The following THAP9 variants were observed in gnomAD, a reference collection of about 807,000 sequenced individuals.
The protein encoded by THAP9 is DNA transposase THAP9.
Under a neutral mutation model 35.7 loss-of-function variants are expected in THAP9, and 20 were observed. That is an observed-to-expected ratio of 0.56 (90% CI 0.39 to 0.81). The LOEUF (loss-of-function observed/expected upper bound fraction) is 0.81. Among genes scored for constraint, THAP9 ranks in the 40% least tolerant of loss-of-function variants. The pLI, the probability that THAP9 is intolerant of heterozygous loss-of-function variation, is 0.00. For synonymous variants in THAP9, 335 were observed against 373.7 expected, an observed-to-expected ratio of 0.90 and a Z score of 1.19; for missense variants, 870 against 1,047.4, an observed-to-expected ratio of 0.83 and a Z score of 2.34.
Position 82,905,392 on chromosome 4 carries a change from G to A in THAP9, c.276+461G>A, listed in dbSNP as rs1474799135. The stretch of plus-strand genomic sequence containing the variant: ...ATGAGTGAGTCACCAGTATTGGTAT[G>A]ATATTCTTCTGTTTCCTATGACTGT... On this transcript the variant is annotated intron_variant, in intron 2 of 4. Coordinates refer to ENST00000302236, the MANE Select transcript of THAP9 (RefSeq NM_024672.6). 2.0e-5 allele frequency among the ~76,000 whole-genome samples: 3 copies of A among 152,308 alleles called. No individual in the cohort carries two copies. The East Asian group carries it at 5.8e-4, about 29-fold the overall frequency.
At position 82,907,772 on chromosome 4, in the gene THAP9, T is replaced by C; in HGVS notation, c.581-13T>C. On this transcript the variant is annotated splice_polypyrimidine_tract_variant and intron_variant, in intron 3 of 4. Transcript: ENST00000302236. ...CTATTCATCACAAAGAATAAAAAAA[T>C]TTATTTTAACAGATTTTAAGTGGGA... 1 of 1,564,250 alleles carries C rather than the reference T, an allele frequency of 6.4e-7. No individual in the cohort carries two copies. Among genetic ancestry groups the C allele is most frequent in the South Asian group, 1.2e-5 (1 of 81,296 alleles).
intron 4 of THAP9, among the ~76,000 whole-genome samples, chr4:82,911,166 A>G (rs1366734696): frequency 6.6e-6 from 1 of 152,254 alleles, no homozygotes; most frequent in Non-Finnish European, 1.5e-5. Context: ...GACATCCAAC[A>G]CTACTGTGGA....
intron 4 of THAP9, among the ~76,000 whole-genome samples, 159 bp from the exon 5 acceptor site, chr4:82,916,785 C>T (rs1012266284): frequency 6.6e-6 from 1 of 152,146 alleles, no homozygotes; most frequent in Non-Finnish European, 1.5e-5. Context: ...TTTATTGTAA[C>T]GATGAATTTA....
In THAP9 at chr4:82,917,704, C is replaced by G. The variant is rs1265418435; in HGVS notation, c.1492C>G (p.Leu498Val). Reference protein sequence around the residue: ...SALEYLLSLDLPPFQNCIGTI... With the variant: ...SALEYLLSLDVPPFQNCIGTI... ...ATTAGAATATTTGTTATCCTTAGACCTGCCACCTTTTCAAAACTGTATTGG... is the reference window on the plus strand; with the variant it reads ...ATTAGAATATTTGTTATCCTTAGACGTGCCACCTTTTCAAAACTGTATTGG... The change falls in exon 5 of 5, where the codon CTG (leucine) becomes GTG (valine). Residue 498 changes from leucine to valine, a missense_variant. Leu to Val is a conservative substitution (Grantham distance 32, BLOSUM62 1). This residue lies in a region of THAP9 where 414 missense variants were observed against 500.8 expected (regional missense o/e 0.83). Coordinates refer to ENST00000302236, the MANE Select transcript of THAP9 (RefSeq NM_024672.6). 3.7e-6 allele frequency: 6 copies of G among 1,613,034 alleles called. No homozygotes were observed. In the African/African-American group the frequency reaches 5.3e-5, roughly 14 times the overall value.
At chr4:82,902,196 T>A (rs1328935106) in intron 1 of THAP9, among the ~76,000 whole-genome samples, 2 of 141,312 alleles carry the variant, frequency 1.4e-5, no homozygotes, top group South Asian at 4.8e-4. Context: ...GCAGCCTCTA[T>A]CTCCCAGGCT....
Position 82,917,442 on chromosome 4 carries a change from A to G in THAP9, c.1230A>G (p.Ala410=), listed in dbSNP as rs765465472. 8.1e-6 allele frequency: 13 copies of G among 1,614,120 alleles called. No individual in the cohort carries two copies. The highest frequency in any genetic ancestry group is 2.2e-5 in the East Asian group (1 of 44,886). The change falls in exon 5 of 5, where the codon GCA becomes GCG. Residue 410 remains alanine, a synonymous_variant. Coordinates refer to ENST00000302236, the MANE Select transcript of THAP9 (RefSeq NM_024672.6). ...CTTCATCTTCTAGTCAACAGATTGC[A>G]TACTTCTTTGACTCTTGCCACTTGC... is the stretch of plus-strand genomic sequence containing the variant. ...QHPSSSSQQI[A]YFFDSCHLLR... is the part of the protein sequence containing the mutation.
intron 1 of THAP9, among the ~76,000 whole-genome samples, chr4:82,904,133 C>T (rs916083658): frequency 4.9e-5 from 7 of 143,126 alleles, no homozygotes; most frequent in Admixed American, 1.5e-4. Context: ...GGTGCGATCT[C>T]GGCTCACTGC....
At chr4:82,916,122 T>C (rs1469284145) in intron 4 of THAP9, among the ~76,000 whole-genome samples, 3 of 152,180 alleles carry the variant, frequency 2.0e-5, no homozygotes, top group Non-Finnish European at 4.4e-5. Context: ...TAACAGACAT[T>C]TGAGTTACAA....
chr4:82,906,657 A>T (rs1391825965), intron 3 of THAP9, 30 bp downstream of exon 3: 2 of 1,520,318 alleles, frequency 1.3e-6, no homozygotes, highest in Non-Finnish European at 1.8e-6. Flanking sequence ...TGTAGTATTT[A>T]CAAAAATAGC....
In THAP9 at chr4:82,907,906, T is replaced by G. The variant is rs373288998; in HGVS notation, c.702T>G (p.Leu234=). Residue 234 remains leucine, a synonymous_variant, in exon 4 of 5, where the codon CTT becomes CTG. Coordinates refer to ENST00000302236, the MANE Select transcript of THAP9 (RefSeq NM_024672.6). ...TCTATGATTATGTAAGAAAGATTCT[T>G]AAGCTGCCTCATTCTTCCATCCTCA... The part of the protein sequence containing the change: ...SKVYDYVRKI[L]KLPHSSILRT... The G allele has an allele frequency of 5.6e-6, 9 of 1,609,396 alleles. No homozygotes were observed. The African/African-American group carries it at 1.2e-4, about 21-fold the overall frequency.
At chr4:82,912,367 T>C (rs756071809) in intron 4 of THAP9, among the ~76,000 whole-genome samples, 7 of 152,204 alleles carry the variant, frequency 4.6e-5, no homozygotes, top group Non-Finnish European at 1.0e-4. Context: ...ATAGGTTACC[T>C]GCTGTGAGAG....
chr4:82,915,934 G>C (rs1421289480), intron 4 of THAP9, among the ~76,000 whole-genome samples: 2 of 152,158 alleles, frequency 1.3e-5, no homozygotes, highest in African/African-American at 4.8e-5. Flanking sequence ...TAAGTTCGTA[G>C]TATGTACTAA....
In THAP9 at chr4:82,918,999, T is replaced by A; in HGVS notation, c.*75T>A. 1 of 1,271,826 alleles carries A rather than the reference T, an allele frequency of 7.9e-7. No homozygotes were observed. 78.8% of individuals were successfully genotyped at this position (1,271,826 alleles called of 1,614,324 possible). On this transcript the variant is annotated 3_prime_UTR_variant, in exon 5 of 5. Coordinates refer to ENST00000302236, the MANE Select transcript of THAP9 (RefSeq NM_024672.6). ...TTTTGAAGTTCAATTTACCATATTT[T>A]ATAAATTGCGCATTCTGCACAGTGG...
chr4:82,901,011 G>C (rs1241340948), intron 1 of THAP9, 129 bp downstream of exon 1: 1 of 1,130,444 alleles, frequency 8.8e-7, no homozygotes, highest in Non-Finnish European at 1.3e-6. Flanking sequence ...GACGTGCGCA[G>C]CGTCGGGGCG....
At chr4:82,901,403 T>C (rs551311890) in intron 1 of THAP9, among the ~76,000 whole-genome samples, 17 of 152,294 alleles carry the variant, frequency 1.1e-4, no homozygotes, top group African/African-American at 4.1e-4. Flanking sequence ...CAGTCTTATC[T>C]GAACTCATAT....
At chr4:82,902,387 G>A (rs1327431428) in intron 1 of THAP9, among the ~76,000 whole-genome samples, 3 of 151,616 alleles carry the variant, frequency 2.0e-5, no homozygotes, top group Non-Finnish European at 4.4e-5. Flanking sequence ...AGCATTTTAC[G>A]CATAGGAAAT....
At position 82,907,922 on chromosome 4, in the gene THAP9, TC is replaced by T. The variant is rs1553941986; in HGVS notation, c.720del (p.Ile241SerfsTer27). 3 of 1,609,638 alleles carry T rather than the reference TC, an allele frequency of 1.9e-6. No homozygotes were observed. The highest frequency in any genetic ancestry group is 2.5e-6 in the Non-Finnish European group (3 of 1,178,818). On this transcript the variant is annotated frameshift_variant, in exon 4 of 5. Transcript: ENST00000302236. LOFTEE classifies it low-confidence loss of function (END_TRUNC). Reference sequence around the variant, plus strand: ...AAAGATTCTTAAGCTGCCTCATTCTTCCATCCTCAGAACGTAAGTGAATTAT... The same window carrying T: ...AAAGATTCTTAAGCTGCCTCATTCTTCATCCTCAGAACGTAAGTGAATTAT... ...VRKILKLPHSSILRTWLSKCQ... is the reference protein window; with the variant it reads ...VRKILKLPHSXILRTWLSKCQ...
In THAP9 at chr4:82,917,035, C is replaced by G. The variant is rs1222475080; in HGVS notation, c.823C>G (p.Gln275Glu). 9.9e-6 allele frequency: 16 copies of G among 1,608,964 alleles called. No homozygotes were observed. The highest frequency in any genetic ancestry group is 1.4e-5 in the Non-Finnish European group (16 of 1,178,030). Reference sequence around the variant, plus strand: ...AGTAGAGAATGGAGATCAGCTCTATCAATACTGTTCATTGTTAATAAAAAG... The same window carrying G: ...AGTAGAGAATGGAGATCAGCTCTATGAATACTGTTCATTGTTAATAAAAAG... ...RRVENGDQLY[Q>E]YCSLLIKSMP... The change falls in exon 5 of 5, where the codon CAA becomes GAA. Residue 275 changes from glutamine (Q) to glutamate (E), a missense_variant. Physicochemically the swap from Gln to Glu is conservative, Grantham distance 29. Around this residue, in one of 3 missense-constraint regions of THAP9, gnomAD observed 440 missense variants for 501.2 expected, o/e 0.88. Transcript: ENST00000302236.
At chr4:82,912,915 G>A (rs1321947228) in intron 4 of THAP9, among the ~76,000 whole-genome samples, 1 of 152,126 alleles carries the variant, frequency 6.6e-6, no homozygotes, top group Non-Finnish European at 1.5e-5. Flanking sequence ...ACTTAAGGGC[G>A]TGTAAAAATA....
Sources: gnomAD v4.1 joint callset for allele counts (sites outside exome capture counted in the v4.1 genomes callset) on GRCh38, gnomAD v4.1.1 for gene constraint, gnomAD v4.1.1 regional missense constraint, MANE v1.5 for transcripts, NCBI Gene and HGNC (gene_info 2026-07-23, HGNC 2026-07-21) for gene names.